Variants in NUDT6 observed in about 807,000 individuals in gnomAD.
NUDT6 encodes the protein nudix hydrolase 6, also known as FAD diphosphatase NUDT6.
NUDT6 carries 24 observed loss-of-function variants against 36.8 expected under a neutral mutation model. The ratio of observed to expected loss-of-function variants is 0.65; its 90% CI spans 0.47 to 0.92. NUDT6 has a LOEUF of 0.92. Among genes scored for constraint, NUDT6 ranks in the 40% least tolerant of loss-of-function variants. The pLI is 0.00. For synonymous variants in NUDT6, 163 were observed against 157.0 expected (o/e 1.04, Z -0.29); for missense variants, 388 against 392.8 (o/e 0.99, Z 0.10).
At chr4:122,896,181 CT>C (rs3840102) in intron 4 of NUDT6, 33,669 of 144,734 alleles carry the variant, frequency 0.23, 3,846 homozygotes, top group East Asian at 0.46. Flanking sequence ...ACCACAAGCA[CT>C]TTTTTTTTTT....
chr4:122,922,758 C>T (rs1282388572), upstream of NUDT6: 2 of 599,250 alleles, frequency 3.3e-6, no homozygotes, highest in African/African-American at 3.7e-5. Flanking sequence ...ATTTGCCCCG[C>T]TCCAGTTAAG....
chr4:122,894,247 T>C (rs982797183), intron 4 of NUDT6: 3 of 152,176 alleles, frequency 2.0e-5, no homozygotes, highest in Admixed American at 6.5e-5. Context: ...TCCCTTACAA[T>C]TGAGATTTGC....
intron 3 of NUDT6, 40 bp from the exon 4 acceptor site, chr4:122,897,718 C>T (rs1363235036): frequency 3.2e-6 from 4 of 1,231,554 alleles, no homozygotes; most frequent in African/African-American, 3.0e-5. Context: ...ACATAACTTT[C>T]ACTAACACAC....
chr4:122,901,616 A>T (rs1727525608), intron 3 of NUDT6, among the ~76,000 whole-genome samples: 1 of 152,202 alleles, frequency 6.6e-6, no homozygotes, highest in Non-Finnish European at 1.5e-5. Context: ...TGCATTTTTT[A>T]GAGATATTAA....
rs1241195468 is a variant in NUDT6 at position 122,892,724 on chromosome 4, A to G, written c.*104T>C. 1.2e-5 allele frequency: 16 copies of G among 1,345,044 alleles called. No individual in the cohort carries two copies. The South Asian group carries it at 1.9e-4, about 16-fold the overall frequency. The allele number at this position is 1,345,044 out of a possible 1,614,324, so 83.3% of individuals were successfully genotyped here. ...GAAACAAAATTTCTTCATGGAAATC[A>G]TATACATTAGAAAATCACAGTCAGA... On this transcript the variant is annotated 3_prime_UTR_variant, in exon 5 of 5. Coordinates refer to ENST00000304430, the MANE Select transcript of NUDT6 (RefSeq NM_007083.5).
rs778098774 is a variant in NUDT6, at chr4:122,893,008, A to G, written c.771T>C (p.Thr257=). 6.2e-7 allele frequency: 1 copy of G among 1,614,164 alleles called. No individual in the cohort carries two copies. Among genetic ancestry groups the G allele is most frequent in the South Asian group, 1.1e-5 (1 of 91,078 alleles). Residue 257 remains threonine (T), a synonymous_variant, in exon 5 of 5, where the codon ACT becomes ACC. Transcript: ENST00000304430. ...TGCTGGTGATGGGAGTTGTATTTTC[A>G]GTCTTCGCCAGGTCATTGAGATCCA... ...EWMDLNDLAK[T]ENTTPITSRV... is the part of the protein sequence containing the mutation.
In NUDT6 at chr4:122,922,407, T is replaced by A. The variant is rs1728072575; in HGVS notation, c.166A>T (p.Ile56Phe). The A allele has an allele frequency of 1.9e-6, 3 of 1,609,752 alleles. No individual in the cohort carries two copies. Among genetic ancestry groups the A allele is most frequent in the Admixed American group, 1.7e-5 (1 of 59,910 alleles). ...TCGAGCCGCGCCAGGCGCACCGAGA[T>A]GCCCCCGAATCTGTCCAGCTCGCCC... ...LQGELDRFGG[I>F]SVRLARLDAL... The change falls in exon 1 of 5, where the codon ATC (isoleucine) becomes TTC (phenylalanine). Residue 56 changes from isoleucine (I) to phenylalanine (F), a missense_variant. Transcript: ENST00000304430.
intron 2 of NUDT6, chr4:122,913,244 G>A: frequency 6.5e-6 from 1 of 152,834 alleles, no homozygotes; most frequent in Admixed American, 6.5e-5. Context: ...CAAGGTGCTG[G>A]CAGATTCAGT....
At chr4:122,895,772 G>C (rs1225376851) in intron 4 of NUDT6, 2 of 152,184 alleles carry the variant, frequency 1.3e-5, no homozygotes, top group Non-Finnish European at 2.9e-5. Context: ...AAGAATGAAG[G>C]AGTTCAAACA....
chr4:122,913,770 CTCTT>C (rs1348263916), intron 2 of NUDT6, among the ~76,000 whole-genome samples: 4 of 151,814 alleles, frequency 2.6e-5, no homozygotes, highest in Non-Finnish European at 5.9e-5. Context: ...TGCATATTCT[CTCTT>C]TCTTTTTAAA....
chr4:122,909,118 T>A (rs115467389), intron 3 of NUDT6, among the ~76,000 whole-genome samples: 3,319 of 151,818 alleles, frequency 0.022, 60 homozygotes, highest in Non-Finnish European at 0.036. Flanking sequence ...CAGGCTGGAG[T>A]GCAGTGGCTT....
Position 122,892,980 on chromosome 4 carries a change from C to A in NUDT6, c.799G>T (p.Val267Phe), listed in dbSNP as rs979306193. 3 of 1,614,170 alleles carry A rather than the reference C, an allele frequency of 1.9e-6. No homozygotes were observed. The change falls in exon 5 of 5, where the codon GTT becomes TTT. Residue 267 changes from valine to phenylalanine, a missense_variant. Transcript: ENST00000304430. ...TENTTPITSRVARLLLYGYRE... is the reference protein window; with the variant it reads ...TENTTPITSRFARLLLYGYRE... ...TACCCATACAGCAGCAGCCTAGCAA[C>A]TCTGCTGGTGATGGGAGTTGTATTT... is the stretch of plus-strand genomic sequence containing the variant.
chr4:122,920,078 G>A (rs1727940352), intron 1 of NUDT6: 1 of 152,196 alleles, frequency 6.6e-6, no homozygotes, highest in African/African-American at 2.4e-5. Flanking sequence ...AACATCAATA[G>A]TTCATGTTCT....
intron 3 of NUDT6, among the ~76,000 whole-genome samples, chr4:122,904,851 A>G (rs755909473): frequency 1.3e-5 from 2 of 152,162 alleles, no homozygotes; most frequent in African/African-American, 2.4e-5. Context: ...GGTAATTAAT[A>G]TACAGCACAT....
At position 122,892,919 on chromosome 4, in the gene NUDT6, T is replaced by TC. The variant is rs779631528; in HGVS notation, c.859dup (p.Glu287GlyfsTer13). 1,768 of 1,614,188 alleles carry TC rather than the reference T, an allele frequency of 1.1e-3. 1 individual carries two copies. The highest frequency in any genetic ancestry group is 1.4e-3 in the Non-Finnish European group (1,688 of 1,180,018). On this transcript the variant is annotated frameshift_variant, in exon 5 of 5. Transcript: ENST00000304430. LOFTEE classifies it high-confidence loss of function. ...TCCTGTGTAAACTGCTGGAAGTTCT[T>TC]CCACAGTCAGGTCAATTTTGTCAAA...
intron 3 of NUDT6, among the ~76,000 whole-genome samples, chr4:122,907,486 AG>A (rs1296654901): frequency 4.7e-5 from 6 of 128,358 alleles, no homozygotes; most frequent in African/African-American, 1.2e-4. Flanking sequence ...AGTTTCGCTC[AG>A]TCACCCAGGC....
rs754676199 is a variant in NUDT6, at chr4:122,922,574, T to C, written c.-2A>G. The C allele has an allele frequency of 1.5e-5, 24 of 1,591,478 alleles. No individual in the cohort carries two copies. The highest frequency in any genetic ancestry group is 2.0e-5 in the Non-Finnish European group (23 of 1,173,884). On this transcript the variant is annotated 5_prime_UTR_variant, in exon 1 of 5. Coordinates refer to ENST00000304430, the MANE Select transcript of NUDT6 (RefSeq NM_007083.5). ...GCCCCAGCTCAGTGGCTGCCGCATC[T>C]CCACGCCGCTTAATTCGTCCGTTGC...
At chr4:122,910,885 C>A (rs1016252891) in intron 3 of NUDT6, among the ~76,000 whole-genome samples, 1 of 151,738 alleles carries the variant, frequency 6.6e-6, no homozygotes, top group African/African-American at 2.4e-5. Context: ...TCACATGAGC[C>A]CAGGAAAGAT....
intron 4 of NUDT6, chr4:122,893,460 G>T: frequency 2.5e-6 from 1 of 401,552 alleles, no homozygotes. Context: ...GCTGCTACTT[G>T]GAGGCTTATC....
Sources: gnomAD v4.1 joint callset for allele counts (sites outside exome capture counted in the v4.1 genomes callset) on GRCh38, gnomAD v4.1.1 for gene constraint, MANE v1.5 for transcripts, NCBI Gene and HGNC (gene_info 2026-07-23, HGNC 2026-07-21) for gene names.